The following SLC12A2 variants were observed in gnomAD, a reference collection of about 807,000 sequenced individuals.
The protein encoded by SLC12A2 is Na-K-2Cl cotransporter 1.
Under a neutral mutation model 136.3 loss-of-function variants are expected in SLC12A2, and 67 were observed. That is an observed-to-expected ratio of 0.49 (90% confidence interval 0.40 to 0.60). The LOEUF is 0.60. Ranked by LOEUF, SLC12A2 falls within the 20% of genes least tolerant of loss-of-function variation. The pLI is 0.00. For missense variants in SLC12A2, 1,322 were observed against 1,534.7 expected, an observed-to-expected ratio of 0.86 and a Z score of 2.32; for synonymous variants, 619 against 562.9, an observed-to-expected ratio of 1.10 and a Z score of -1.41.
At chr5:128,179,168 A>T (rs1295722774) in intron 22 of SLC12A2, among the ~76,000 whole-genome samples, 1 of 152,102 alleles carries the variant, frequency 6.6e-6, no homozygotes, top group Non-Finnish European at 1.5e-5. Context: ...CCCCTTTTAT[A>T]ATTACAGGTA....
At chr5:128,160,476 G>A (rs1763003157) in intron 16 of SLC12A2, among the ~76,000 whole-genome samples, 1 of 152,128 alleles carries the variant, frequency 6.6e-6, no homozygotes, top group Non-Finnish European at 1.5e-5. Flanking sequence ...GGCAAATTGT[G>A]ATAAATATCT....
chr5:128,154,383 T>C (rs1437428356), intron 15 of SLC12A2, among the ~76,000 whole-genome samples: 1 of 151,624 alleles, frequency 6.6e-6, no homozygotes. Context: ...TACCACTACA[T>C]GCTAGCCTGG....
At chr5:128,163,988 C>A (rs1763123623) in intron 17 of SLC12A2, among the ~76,000 whole-genome samples, 1 of 152,108 alleles carries the variant, frequency 6.6e-6, no homozygotes, top group Admixed American at 6.6e-5. Context: ...GTAGGTAAAT[C>A]TTGCTTCCTT....
At chr5:128,162,215 G>A (rs899867120) in intron 17 of SLC12A2, among the ~76,000 whole-genome samples, 3 of 152,184 alleles carry the variant, frequency 2.0e-5, no homozygotes, top group African/African-American at 7.2e-5. Flanking sequence ...TGCTTTATAG[G>A]AAAGAAAGCC....
chr5:128,120,854 TATAATA>T (rs1013661589), intron 4 of SLC12A2, among the ~76,000 whole-genome samples: 15 of 151,844 alleles, frequency 9.9e-5, no homozygotes, highest in Admixed American at 8.5e-4. Flanking sequence ...AAACTTAAAG[TATAATA>T]ATAATAATAA....
chr5:128,095,482 G>A (rs1760497021), intron 1 of SLC12A2, among the ~76,000 whole-genome samples: 1 of 151,968 alleles, frequency 6.6e-6, no homozygotes, highest in Non-Finnish European at 1.5e-5. Context: ...GAACCACCTG[G>A]GGAAAAATGG....
At position 128,148,846 on chromosome 5, in the gene SLC12A2, A is replaced by G; in HGVS notation, c.1974A>G (p.Thr658=). 6.2e-7 allele frequency: 1 copy of G among 1,603,658 alleles called. No homozygotes were observed. The highest frequency in any genetic ancestry group is 1.1e-5 in the South Asian group (1 of 88,936). ...NNEPLRGYIL[T]FLIALGFILI... ...AACCTCTTCGTGGCTACATCTTAAC[A>G]TTCTTAATTGCACTTGGATTCATCT... is the stretch of plus-strand genomic sequence containing the variant. Residue 658 remains threonine, a synonymous_variant, in exon 12 of 27, where the codon ACA becomes ACG. Transcript: ENST00000262461.
chr5:128,128,474 A>AT (rs985650621), intron 4 of SLC12A2, among the ~76,000 whole-genome samples: 7 of 152,002 alleles, frequency 4.6e-5, no homozygotes, highest in Admixed American at 3.9e-4. Flanking sequence ...TGATCAACAG[A>AT]TTTTTTTAAT....
chr5:128,184,970 G>A, intron 26 of SLC12A2, 114 bp downstream of exon 26: 1 of 941,128 alleles, frequency 1.1e-6, no homozygotes, highest in Non-Finnish European at 1.6e-6. Flanking sequence ...GTGGTTATAA[G>A]GAGGAAAAAA....
intron 17 of SLC12A2, among the ~76,000 whole-genome samples, chr5:128,163,100 A>G (rs1187702262): frequency 1.3e-5 from 2 of 152,198 alleles, no homozygotes; most frequent in South Asian, 2.1e-4. Context: ...GTGGTAATGT[A>G]GATTGGACAA....
intron 18 of SLC12A2, among the ~76,000 whole-genome samples, chr5:128,171,263 C>A (rs114497458): frequency 2.0e-5 from 3 of 152,076 alleles, no homozygotes; most frequent in African/African-American, 7.2e-5. Context: ...TGCTATCATT[C>A]GCAGTAGCAT....
chr5:128,091,499 T>A (rs1760315659), intron 1 of SLC12A2, among the ~76,000 whole-genome samples: 1 of 152,144 alleles, frequency 6.6e-6, no homozygotes, highest in South Asian at 2.1e-4. Flanking sequence ...AGGGAACTAG[T>A]GGGTTGATTC....
intron 1 of SLC12A2, chr5:128,110,969 A>G (rs1413077275): frequency 7.4e-6 from 6 of 810,786 alleles, no homozygotes; most frequent in Admixed American, 5.2e-5. Context: ...TGCACTTGCC[A>G]TAGGAAAAAG....
rs776914731 is a variant in SLC12A2 at position 128,171,651 on chromosome 5, G to GT, written c.2724-9dup. ...TTTTTTTTTGGTTTTTTCATTTTTT[G>GT]TTTTTTTGTTCTTAGTGATGCTTTT... On this transcript the variant is annotated splice_polypyrimidine_tract_variant and intron_variant, in intron 18 of 26. Coordinates refer to ENST00000262461, the MANE Select transcript of SLC12A2 (RefSeq NM_001046.3). 24 of 1,518,390 alleles carry GT rather than the reference G, an allele frequency of 1.6e-5. 1 individual carries two copies. The highest frequency in any genetic ancestry group is 5.0e-5 in the South Asian group (4 of 79,250). The allele number at this position is 1,518,390 out of a possible 1,614,324, so 94.1% of individuals were successfully genotyped here.
At chr5:128,090,767 A>G (rs887239480) in intron 1 of SLC12A2, among the ~76,000 whole-genome samples, 2 of 152,192 alleles carry the variant, frequency 1.3e-5, no homozygotes, top group Non-Finnish European at 2.9e-5. Flanking sequence ...CAGAGGAACA[A>G]CAGATACCAA....
At chr5:128,184,607 C>T in intron 25 of SLC12A2, 106 bp downstream of exon 25, 5 of 1,311,394 alleles carry the variant, frequency 3.8e-6, no homozygotes, top group Non-Finnish European at 5.2e-6. Context: ...ATGAACTCTA[C>T]TTTAAAATAG....
intron 7 of SLC12A2, among the ~76,000 whole-genome samples, chr5:128,138,132 C>G (rs1762245217): frequency 6.6e-6 from 1 of 151,978 alleles, no homozygotes; most frequent in Non-Finnish European, 1.5e-5. Context: ...GAGTCAAGGT[C>G]TTCCTTGTGT....
At chr5:128,173,767 G>A (rs571270439) in intron 19 of SLC12A2, among the ~76,000 whole-genome samples, 6 of 152,090 alleles carry the variant, frequency 3.9e-5, no homozygotes, top group African/African-American at 1.4e-4. Context: ...CTTCATTTAC[G>A]CAAATAAGTG....
chr5:128,159,737 A>C (rs2126732211), intron 16 of SLC12A2, among the ~76,000 whole-genome samples: 1 of 151,578 alleles, frequency 6.6e-6, no homozygotes, highest in East Asian at 1.9e-4. Flanking sequence ...AGTCAGGAAC[A>C]ACAGATGCTG....
Sources: allele counts gnomAD v4.1 joint callset (sites outside exome capture counted in the v4.1 genomes callset), GRCh38; gene constraint gnomAD v4.1.1; transcripts MANE v1.5; gene names NCBI Gene and HGNC (gene_info 2026-07-23, HGNC 2026-07-21).